Variants in PDGFD observed in about 807,000 individuals in gnomAD.
PDGFD encodes platelet derived growth factor D, also known as platelet-derived growth factor D.
A neutral mutation model predicts 44.7 loss-of-function variants in PDGFD; 30 were observed. The observed-to-expected ratio is 0.67, with a 90% CI of 0.50 to 0.91. The LOEUF (loss-of-function observed/expected upper bound fraction) is 0.91. Ranked by LOEUF, PDGFD falls within the 40% of genes least tolerant of loss-of-function variation. The probability of loss-of-function intolerance (pLI) is 0.00; values close to 1 mark genes in which losing one functional copy is unlikely to be tolerated. For synonymous variants in PDGFD, 173 were observed against 168.4 expected (o/e 1.03, Z -0.21); for missense variants, 445 against 457.8 (o/e 0.97, Z 0.25).
intron 1 of PDGFD, among the ~76,000 whole-genome samples, chr11:104,065,623 G>A (rs761525699): frequency 5.9e-5 from 9 of 152,192 alleles, no homozygotes; most frequent in Non-Finnish European, 1.0e-4. Flanking sequence ...AGAAAATTCC[G>A]CATTGCTATT....
At position 103,943,435 on chromosome 11, in the gene PDGFD, A is replaced by C; in HGVS notation, c.772+17T>G. The C allele has an allele frequency of 6.2e-7, 1 of 1,602,608 alleles. No homozygotes were observed. The highest frequency in any genetic ancestry group is 8.5e-7 in the Non-Finnish European group (1 of 1,171,812). ...TTCTATGTGCTTATGAAGAATGTAC[A>C]AGTGTCTGTCTCTTACCTTTTGACT... On this transcript the variant is annotated intron_variant, in intron 5 of 6. Coordinates refer to ENST00000393158, the MANE Select transcript of PDGFD (RefSeq NM_025208.5).
At chr11:104,133,982 C>T (rs1252059927) in intron 1 of PDGFD, among the ~76,000 whole-genome samples, 1 of 152,198 alleles carries the variant, frequency 6.6e-6, no homozygotes, top group Non-Finnish European at 1.5e-5. Context: ...TCAAGACAGA[C>T]ACTTGTGCAA....
chr11:103,933,989 A>T (rs1040552513), intron 5 of PDGFD, among the ~76,000 whole-genome samples: 12 of 152,176 alleles, frequency 7.9e-5, no homozygotes, highest in Non-Finnish European at 1.3e-4. Flanking sequence ...AAAATTTTTT[A>T]AAAAACAAGT....
At chr11:104,155,877 C>T (rs1368076216) in intron 1 of PDGFD, among the ~76,000 whole-genome samples, 3 of 152,160 alleles carry the variant, frequency 2.0e-5, no homozygotes, top group Non-Finnish European at 4.4e-5. Flanking sequence ...CAACACAGCA[C>T]ATTCAACCCC....
intron 1 of PDGFD, among the ~76,000 whole-genome samples, chr11:104,102,288 A>G (rs1401266765): frequency 6.6e-6 from 1 of 152,248 alleles, no homozygotes; most frequent in Non-Finnish European, 1.5e-5. Flanking sequence ...GACACTTCTC[A>G]AAAGAAGACA....
At chr11:103,966,065 G>C (rs989636955) in intron 3 of PDGFD, among the ~76,000 whole-genome samples, 4 of 152,140 alleles carry the variant, frequency 2.6e-5, no homozygotes, top group African/African-American at 9.7e-5. Context: ...GGAGAGAACT[G>C]TGTAATAACA....
intron 1 of PDGFD, among the ~76,000 whole-genome samples, chr11:104,067,514 C>T (rs893526207): frequency 1.3e-5 from 2 of 152,142 alleles, no homozygotes; most frequent in African/African-American, 4.8e-5. Flanking sequence ...TAATTTCTCA[C>T]ACATATGTAC....
chr11:104,005,192 T>G (rs1284949414), intron 1 of PDGFD, among the ~76,000 whole-genome samples: 1 of 152,194 alleles, frequency 6.6e-6, no homozygotes, highest in Non-Finnish European at 1.5e-5. Context: ...TACCACCATT[T>G]GACAGATGAA....
At chr11:104,096,097 C>G (rs1407570890) in intron 1 of PDGFD, among the ~76,000 whole-genome samples, 1 of 152,114 alleles carries the variant, frequency 6.6e-6, no homozygotes, top group Non-Finnish European at 1.5e-5. Context: ...GTTATTATTA[C>G]AGTAAAATTT....
chr11:103,966,128 A>C (rs920791851), intron 3 of PDGFD, among the ~76,000 whole-genome samples: 2 of 152,336 alleles, frequency 1.3e-5, no homozygotes, highest in East Asian at 3.9e-4. Flanking sequence ...ACATCTAATT[A>C]GAGTCACTCT....
intron 1 of PDGFD, among the ~76,000 whole-genome samples, chr11:104,078,048 G>T (rs1358359722): frequency 9.9e-6 from 1 of 101,044 alleles, no homozygotes; most frequent in Non-Finnish European, 1.9e-5. Context: ...GTCCTCAGCG[G>T]CCTTTGATGT....
chr11:103,952,724 T>C (rs1858778026), intron 3 of PDGFD, among the ~76,000 whole-genome samples: 2 of 151,996 alleles, frequency 1.3e-5, no homozygotes, highest in African/African-American at 2.4e-5. Context: ...TGTATAATTA[T>C]AAACATCTCA....
At chr11:103,940,485 T>C (rs1275876399) in intron 5 of PDGFD, among the ~76,000 whole-genome samples, 1 of 152,126 alleles carries the variant, frequency 6.6e-6, no homozygotes, top group Non-Finnish European at 1.5e-5. Flanking sequence ...TTTTTGGAGA[T>C]CCTGAAAAGG....
intron 3 of PDGFD, among the ~76,000 whole-genome samples, chr11:103,994,954 A>C (rs965325244): frequency 1.3e-5 from 2 of 149,302 alleles, no homozygotes; most frequent in African/African-American, 5.0e-5. Flanking sequence ...GTCATGGTTC[A>C]CTGTAGCTTC....
At position 103,997,127 on chromosome 11, in the gene PDGFD, C is replaced by A. The variant is rs887455047; in HGVS notation, c.330-882G>T. Among the ~76,000 whole-genome samples the A allele has an allele frequency of 3.3e-5, 5 of 152,164 alleles. No individual in the cohort carries two copies. In the East Asian group the frequency reaches 7.7e-4, roughly 23 times the overall value. ...TTTCAGCTCCCTAAGATGTTGGAAC[C>A]TTCTACTTGATAAGCTGAACTATTT... On this transcript the variant is annotated intron_variant, in intron 2 of 6. Transcript: ENST00000393158.
chr11:104,034,719 T>C (rs1175610585), intron 1 of PDGFD, among the ~76,000 whole-genome samples: 4 of 151,826 alleles, frequency 2.6e-5, no homozygotes, highest in African/African-American at 9.7e-5. Context: ...CTCGGCTTAC[T>C]GCAAGCTCCA....
chr11:104,064,240 T>C (rs1003594703), intron 1 of PDGFD, among the ~76,000 whole-genome samples: 1 of 152,242 alleles, frequency 6.6e-6, no homozygotes, highest in Admixed American at 6.5e-5. Flanking sequence ...ACTGACTGTG[T>C]TGATGGGTTG....
intron 3 of PDGFD, among the ~76,000 whole-genome samples, chr11:103,995,308 T>A (rs1003816265): frequency 6.6e-6 from 1 of 152,170 alleles, no homozygotes; most frequent in Non-Finnish European, 1.5e-5. Flanking sequence ...GAACAGGAAC[T>A]TACTATTGTT....
chr11:104,137,679 A>T (rs1485327862), intron 1 of PDGFD, among the ~76,000 whole-genome samples: 2 of 150,530 alleles, frequency 1.3e-5, no homozygotes, highest in Admixed American at 1.3e-4. Context: ...TCTGATGATT[A>T]TAAACTTCCA....
Sources: gnomAD v4.1 joint callset for allele counts (sites outside exome capture counted in the v4.1 genomes callset) on GRCh38, gnomAD v4.1.1 for gene constraint, MANE v1.5 for transcripts, NCBI Gene and HGNC (gene_info 2026-07-23, HGNC 2026-07-21) for gene names.